Variants in LSM11 observed in about 807,000 individuals in gnomAD.
The protein encoded by LSM11 is U7 snRNA-associated Sm-like protein LSm11.
LSM11 carries 14 observed loss-of-function variants against 28.1 expected under a neutral mutation model. The ratio of observed to expected loss-of-function variants is 0.50; its 90% CI spans 0.33 to 0.78. LSM11 has a LOEUF of 0.78. Ranked by LOEUF, LSM11 falls within the 30% of genes least tolerant of loss-of-function variation. The probability of loss-of-function intolerance (pLI) is 0.02; values close to 1 mark genes in which losing one functional copy is unlikely to be tolerated. For synonymous variants in LSM11, 207 were observed against 214.2 expected, an observed-to-expected ratio of 0.97 and a Z score of 0.30; for missense variants, 495 against 510.6, an observed-to-expected ratio of 0.97 and a Z score of 0.30.
intron 1 of LSM11, 26 bp from the exon 2 acceptor site, chr5:157,751,364 T>C: frequency 6.4e-7 from 1 of 1,564,776 alleles, no homozygotes; most frequent in East Asian, 2.3e-5. Flanking sequence ...ATTAAAACTG[T>C]CCTGACTGTT....
chr5:157,751,882 C>T (rs1761237668), intron 2 of LSM11, among the ~76,000 whole-genome samples: 2 of 152,170 alleles, frequency 1.3e-5, no homozygotes, highest in Admixed American at 6.5e-5. Flanking sequence ...GATAGTCCCT[C>T]AACAACAAAG....
chr5:157,744,002 T>C lies in LSM11; in HGVS notation c.252T>C (p.Ser84=). Residue 84 remains serine (S), a synonymous_variant, in exon 1 of 4, where the codon TCT becomes TCC. Coordinates refer to ENST00000286307, the MANE Select transcript of LSM11 (RefSeq NM_173491.4). The part of the protein sequence containing the change: ...RGRARGAAAG[S]GVPAAPGPSG... ...GGGCTCGGGGCGCGGCCGCGGGCTC[T>C]GGGGTTCCCGCCGCACCCGGGCCCT... The C allele has an allele frequency of 7.6e-7, 1 of 1,312,390 alleles. No homozygotes were observed. The allele number at this position is 1,312,390 out of a possible 1,614,324, so 81.3% of individuals were successfully genotyped here.
chr5:157,743,903 C>G lies in LSM11; in HGVS notation c.153C>G (p.Pro51=). ...RLPPIPYPNA[P]CFNNVAEYES... The stretch of plus-strand genomic sequence containing the variant: ...CTCCCATTCCCTACCCCAATGCCCC[C>G]TGCTTCAACAACGTGGCGGAGTACG... The change falls in exon 1 of 4, where the codon CCC becomes CCG. Residue 51 remains proline (P), a synonymous_variant. Coordinates refer to ENST00000286307, the MANE Select transcript of LSM11 (RefSeq NM_173491.4). The G allele has an allele frequency of 6.6e-7, 1 of 1,525,532 alleles. No homozygotes were observed. Among genetic ancestry groups the G allele is most frequent in the Non-Finnish European group, 8.8e-7 (1 of 1,136,122 alleles). 94.5% of individuals were successfully genotyped at this position (1,525,532 alleles called of 1,614,324 possible). A position where few individuals can be genotyped will look rare whatever the true frequency, so the allele number is the denominator to read the frequency against.
rs758072879 is a variant in LSM11 at position 157,743,755 on chromosome 5, AGGAGCG to A, written c.14_19del (p.Glu5_Arg6del). The stretch of plus-strand genomic sequence containing the variant: ...CGGCTTGCGGGCCTTTCAAACATGG[AGGAGCG>A]GGAGCGGGGGGCGAGGTCGGCTGGC... On this transcript the variant is annotated inframe_deletion, in exon 1 of 4. Transcript: ENST00000286307. 7.2e-7 allele frequency: 1 copy of A among 1,387,456 alleles called. No homozygotes were observed. Among genetic ancestry groups the A allele is most frequent in the Non-Finnish European group, 9.3e-7 (1 of 1,071,762 alleles). 85.9% of individuals were successfully genotyped at this position (1,387,456 alleles called of 1,614,324 possible).
chr5:157,750,365 C>T (rs766521307), intron 1 of LSM11, among the ~76,000 whole-genome samples: 5 of 152,240 alleles, frequency 3.3e-5, no homozygotes, highest in Non-Finnish European at 7.3e-5. Flanking sequence ...TCCTCCCACG[C>T]TCTGAGAATC....
intron 1 of LSM11, among the ~76,000 whole-genome samples, chr5:157,748,280 C>T (rs1043078419): frequency 2.0e-5 from 3 of 152,056 alleles, no homozygotes; most frequent in Non-Finnish European, 2.9e-5. Flanking sequence ...CCCTAATGAG[C>T]TAATAACTTT....
chr5:157,746,686 G>A (rs1303894033), intron 1 of LSM11, among the ~76,000 whole-genome samples: 1 of 152,206 alleles, frequency 6.6e-6, no homozygotes, highest in Non-Finnish European at 1.5e-5. Flanking sequence ...GAGGCGGGCA[G>A]AACACTTGAG....
In LSM11 at chr5:157,743,750, C is replaced by A; in HGVS notation, c.-1C>A. Reference sequence around the variant, plus strand: ...GGCCTCGGCTTGCGGGCCTTTCAAACATGGAGGAGCGGGAGCGGGGGGCGA... The same window carrying A: ...GGCCTCGGCTTGCGGGCCTTTCAAAAATGGAGGAGCGGGAGCGGGGGGCGA... On this transcript the variant is annotated 5_prime_UTR_variant, in exon 1 of 4. Coordinates refer to ENST00000286307, the MANE Select transcript of LSM11 (RefSeq NM_173491.4). 1 of 1,376,530 alleles carries A rather than the reference C, an allele frequency of 7.3e-7. No homozygotes were observed. 85.3% of individuals were successfully genotyped at this position (1,376,530 alleles called of 1,614,324 possible).
rs1224357875 is a variant in LSM11 at position 157,758,732 on chromosome 5, A to G, written c.*3468A>G. The G allele has an allele frequency of 1.3e-5, 2 of 152,256 alleles. No homozygotes were observed. Among genetic ancestry groups the G allele is most frequent in the African/African-American group, 2.4e-5 (1 of 41,462 alleles). The allele number at this position is 152,256 out of a possible 1,614,324, so 9.4% of individuals were successfully genotyped here. A position where few individuals can be genotyped will look rare whatever the true frequency, so the allele number is the denominator to read the frequency against. ...AATAGTTTTTATTTTTGAACATTCA[A>G]CTTTGGTTCTTCAAAGTAATCTTTA... On this transcript the variant is annotated 3_prime_UTR_variant, in exon 4 of 4. Coordinates refer to ENST00000286307, the MANE Select transcript of LSM11 (RefSeq NM_173491.4).
At chr5:157,754,221 G>A (rs1034913438) in intron 3 of LSM11, 134 bp downstream of exon 3, 2 of 499,064 alleles carry the variant, frequency 4.0e-6, no homozygotes, top group Non-Finnish European at 6.9e-6. Flanking sequence ...CCTGTACCAA[G>A]GTATTCCTTA....
rs538654836 is a variant in LSM11 at position 157,751,235 on chromosome 5, G to A, written c.449-155G>A. ...TTGTGTCAGTGTGTGTTGGCCGTACGAGCCATGTTGCCCATTGGACCTTCC... is the reference window on the plus strand; with the variant it reads ...TTGTGTCAGTGTGTGTTGGCCGTACAAGCCATGTTGCCCATTGGACCTTCC... On this transcript the variant is annotated intron_variant, in intron 1 of 3. Transcript: ENST00000286307. Among the ~76,000 whole-genome samples, 4 of 152,274 alleles carry A rather than the reference G, an allele frequency of 2.6e-5. No homozygotes were observed. In the South Asian group the frequency reaches 6.2e-4, roughly 24 times the overall value.
chr5:157,744,012 G>T lies in LSM11; in HGVS notation c.262G>T (p.Ala88Ser). ...RGAAAGSGVP[A>S]APGPSGRTRR... ...CGCGGCCGCGGGCTCTGGGGTTCCC[G>T]CCGCACCCGGGCCCTCGGGCAGGAC... Residue 88 changes from alanine to serine, a missense_variant, in exon 1 of 4, where the codon GCC (alanine) becomes TCC (serine). By Grantham distance (99) the Ala-to-Ser change is moderately conservative (BLOSUM62 1). Coordinates refer to ENST00000286307, the MANE Select transcript of LSM11 (RefSeq NM_173491.4). The T allele has an allele frequency of 7.5e-7, 1 of 1,331,808 alleles. No individual in the cohort carries two copies. 82.5% of individuals were successfully genotyped at this position (1,331,808 alleles called of 1,614,324 possible). A position where few individuals can be genotyped will look rare whatever the true frequency, so the allele number is the denominator to read the frequency against.
chr5:157,756,622 A>T lies in LSM11; in HGVS notation c.*1358A>T, dbSNP rs1561622271. The stretch of plus-strand genomic sequence containing the variant: ...GGTGAATAAAGTTTAGGGAGCTGGG[A>T]CACCTGGTCCTGCTAGCTGGACCAC... On this transcript the variant is annotated 3_prime_UTR_variant, in exon 4 of 4. Coordinates refer to ENST00000286307, the MANE Select transcript of LSM11 (RefSeq NM_173491.4). The T allele has an allele frequency of 1.3e-5, 2 of 152,714 alleles. No homozygotes were observed. Among genetic ancestry groups the T allele is most frequent in the East Asian group, 3.9e-4 (2 of 5,172 alleles). 9.5% of individuals were successfully genotyped at this position (152,714 alleles called of 1,614,324 possible). A position where few individuals can be genotyped will look rare whatever the true frequency, so the allele number is the denominator to read the frequency against.
chr5:157,753,983 C>A (rs1761282279), intron 2 of LSM11, 21 bp from the exon 3 acceptor site: 2 of 1,466,296 alleles, frequency 1.4e-6, no homozygotes, highest in Admixed American at 2.5e-5. Context: ...TAATGTTTTT[C>A]CTTTTGGGCT....
At chr5:157,752,529 G>A (rs913526573) in intron 2 of LSM11, among the ~76,000 whole-genome samples, 2 of 151,948 alleles carry the variant, frequency 1.3e-5, no homozygotes, top group Non-Finnish European at 2.9e-5. Context: ...ATATGTAATA[G>A]CACAACTATA....
At position 157,755,332 on chromosome 5, in the gene LSM11, A is replaced by G. The variant is rs550687372; in HGVS notation, c.*68A>G. On this transcript the variant is annotated 3_prime_UTR_variant, in exon 4 of 4. Coordinates refer to ENST00000286307, the MANE Select transcript of LSM11 (RefSeq NM_173491.4). ...AATTGCTGCTATGCTGTATCCTAGT[A>G]TCCCAGTGAAACTCTGAGTTGGAAT... The G allele has an allele frequency of 6.9e-5, 102 of 1,487,610 alleles. 1 individual carries two copies. In the South Asian group the frequency reaches 1.2e-3, roughly 18 times the overall value. The allele number at this position is 1,487,610 out of a possible 1,614,324, so 92.2% of individuals were successfully genotyped here. A position where few individuals can be genotyped will look rare whatever the true frequency, so the allele number is the denominator to read the frequency against.
In LSM11 at chr5:157,756,245, A is replaced by G. The variant is rs1296086088; in HGVS notation, c.*981A>G. On this transcript the variant is annotated 3_prime_UTR_variant, in exon 4 of 4. Transcript: ENST00000286307. Reference sequence around the variant, plus strand: ...TTTCACCATGAAACAGGGGTGGTAGATTTATTCCCTTGTGTCAGGCCAAAG... The same window carrying G: ...TTTCACCATGAAACAGGGGTGGTAGGTTTATTCCCTTGTGTCAGGCCAAAG... 4 of 152,708 alleles carry G rather than the reference A, an allele frequency of 2.6e-5. No homozygotes were observed. Among genetic ancestry groups the G allele is most frequent in the African/African-American group, 9.7e-5 (4 of 41,434 alleles). 9.5% of individuals were successfully genotyped at this position (152,708 alleles called of 1,614,324 possible). A position where few individuals can be genotyped will look rare whatever the true frequency, so the allele number is the denominator to read the frequency against.
rs537006650 is a variant in LSM11 at position 157,756,154 on chromosome 5, A to C, written c.*890A>C. 1 of 155,266 alleles carries C rather than the reference A, an allele frequency of 6.4e-6. No homozygotes were observed. Among genetic ancestry groups the C allele is most frequent in the South Asian group, 2.1e-4 (1 of 4,844 alleles). The allele number at this position is 155,266 out of a possible 1,614,324, so 9.6% of individuals were successfully genotyped here. On this transcript the variant is annotated 3_prime_UTR_variant, in exon 4 of 4. Transcript: ENST00000286307. ...GTTGTGCATGAACTCGGTAATACACATCACACGGCTGAGAGTCCCCTTTCC... is the reference window on the plus strand; with the variant it reads ...GTTGTGCATGAACTCGGTAATACACCTCACACGGCTGAGAGTCCCCTTTCC...
At chr5:157,754,652 A>G (rs1761293563) in intron 3 of LSM11, among the ~76,000 whole-genome samples, 1 of 143,862 alleles carries the variant, frequency 7.0e-6, no homozygotes. Flanking sequence ...AGATCGCACC[A>G]CTGCACTCTA....
Sources: gnomAD v4.1 joint callset for allele counts (sites outside exome capture counted in the v4.1 genomes callset) on GRCh38, gnomAD v4.1.1 for gene constraint, MANE v1.5 for transcripts, NCBI Gene and HGNC (gene_info 2026-07-23, HGNC 2026-07-21) for gene names.